The following CDC73 variants were observed in gnomAD, a reference collection of about 807,000 sequenced individuals.
The protein encoded by CDC73 is cell division cycle 73, also known as parafibromin.
Under a neutral mutation model 83.7 loss-of-function variants are expected in CDC73, and 21 were observed. The ratio of observed to expected loss-of-function variants is 0.25; its 90% CI spans 0.18 to 0.36. CDC73 has a LOEUF of 0.36. Ranked by LOEUF, CDC73 falls within the 10% of genes least tolerant of loss-of-function variation. The probability of loss-of-function intolerance (pLI) is 1.00; values close to 1 mark genes in which losing one functional copy is unlikely to be tolerated. For synonymous variants in CDC73, 224 were observed against 212.9 expected, an observed-to-expected ratio of 1.05 and a Z score of -0.45; for missense variants, 342 against 653.3, an observed-to-expected ratio of 0.52 and a Z score of 5.19.
At chr1:193,188,477 C>T (rs1676858868) in intron 10 of CDC73, among the ~76,000 whole-genome samples, 1 of 151,218 alleles carries the variant, frequency 6.6e-6, no homozygotes, top group Non-Finnish European at 1.5e-5. Flanking sequence ...GCGCAGCATA[C>T]CCAGGAATCA....
intron 14 of CDC73, among the ~76,000 whole-genome samples, chr1:193,233,540 A>T (rs1677698490): frequency 6.6e-6 from 1 of 152,220 alleles, no homozygotes; most frequent in African/African-American, 2.4e-5. Flanking sequence ...CAATAACTTT[A>T]TATTTTGGAT....
intron 8 of CDC73, among the ~76,000 whole-genome samples, 167 bp downstream of exon 8, chr1:193,148,132 C>T (rs996067252): frequency 6.6e-5 from 10 of 152,212 alleles, no homozygotes; most frequent in African/African-American, 1.9e-4. Context: ...TTAAAAGTTA[C>T]TTACTTCAGC....
chr1:193,183,263 A>C (rs2103161139), intron 10 of CDC73, among the ~76,000 whole-genome samples: 1 of 151,670 alleles, frequency 6.6e-6, no homozygotes, highest in Non-Finnish European at 1.5e-5. Context: ...CAAATATCTA[A>C]GGTCCAACCA....
intron 15 of CDC73, among the ~76,000 whole-genome samples, chr1:193,241,765 A>G (rs1213898538): frequency 6.6e-6 from 1 of 152,208 alleles, no homozygotes; most frequent in African/African-American, 2.4e-5. Context: ...TCAGGCCCCA[A>G]AATGTGTGCT....
intron 7 of CDC73, among the ~76,000 whole-genome samples, chr1:193,142,424 T>A (rs546260099): frequency 1.3e-5 from 2 of 151,656 alleles, no homozygotes; most frequent in South Asian, 4.2e-4. Flanking sequence ...GCCATCATTA[T>A]TTTTTTTTCT....
chr1:193,137,360 TAC>T (rs541212027), intron 5 of CDC73, among the ~76,000 whole-genome samples: 167 of 152,352 alleles, frequency 1.1e-3, no homozygotes, highest in African/African-American at 3.8e-3. Flanking sequence ...ATGCTTTTTA[TAC>T]AGTTTTGTAT....
chr1:193,138,038 A>G (rs1675830975), intron 5 of CDC73, 47 bp from the exon 6 acceptor site: 1 of 1,405,730 alleles, frequency 7.1e-7, no homozygotes, highest in African/African-American at 1.4e-5. Flanking sequence ...TTTCTTCCTA[A>G]AAGTTCAATA....
chr1:193,225,937 T>C (rs1430112215), intron 13 of CDC73, among the ~76,000 whole-genome samples: 1 of 152,208 alleles, frequency 6.6e-6, no homozygotes, highest in Non-Finnish European at 1.5e-5. Flanking sequence ...TATTTGTTTT[T>C]ACTGCATCTG....
At chr1:193,173,206 G>T (rs1676548587) in intron 10 of CDC73, among the ~76,000 whole-genome samples, 1 of 151,924 alleles carries the variant, frequency 6.6e-6, no homozygotes, top group Admixed American at 6.6e-5. Context: ...CTGTTAAAAG[G>T]GTATGCCTTA....
chr1:193,204,659 A>G (rs1677156638), intron 11 of CDC73, among the ~76,000 whole-genome samples: 1 of 152,192 alleles, frequency 6.6e-6, no homozygotes, highest in Non-Finnish European at 1.5e-5. Context: ...GTTATAAAAC[A>G]CTGTTTTTCA....
chr1:193,237,136 G>A (rs531867502), intron 15 of CDC73: 71 of 151,504 alleles, frequency 4.7e-4, no homozygotes, highest in African/African-American at 1.6e-3. Context: ...GTAGAGAGGG[G>A]GCTTCACAAG....
intron 10 of CDC73, among the ~76,000 whole-genome samples, chr1:193,175,529 G>A (rs1398924015): frequency 2.0e-5 from 3 of 152,108 alleles, no homozygotes; most frequent in Non-Finnish European, 4.4e-5. Context: ...ACCAACTGCC[G>A]ATCGAAAATA....
chr1:193,171,860 A>G (rs912445485), intron 10 of CDC73, among the ~76,000 whole-genome samples: 1 of 152,210 alleles, frequency 6.6e-6, no homozygotes, highest in Non-Finnish European at 1.5e-5. Context: ...AATGAAAAAA[A>G]GATGTATTTG....
At chr1:193,155,139 A>G (rs1676184611) in intron 10 of CDC73, among the ~76,000 whole-genome samples, 1 of 152,122 alleles carries the variant, frequency 6.6e-6, no homozygotes, top group East Asian at 1.9e-4. Context: ...ATAATTTCCT[A>G]TATATATATG....
At chr1:193,125,306 T>G in intron 2 of CDC73, 89 bp downstream of exon 2, 365 of 745,346 alleles carry the variant, frequency 4.9e-4, no homozygotes, top group Non-Finnish European at 7.3e-4. Context: ...TTGCCCGGGC[T>G]AGGGTGCAGT....
chr1:193,211,412 TTTTA>T (rs1482407168), intron 11 of CDC73, among the ~76,000 whole-genome samples: 1 of 152,158 alleles, frequency 6.6e-6, no homozygotes, highest in Non-Finnish European at 1.5e-5. Flanking sequence ...CGGGATGTGA[TTTTA>T]TTTTTTTCTC....
At chr1:193,201,347 A>G (rs1677087613) in intron 10 of CDC73, among the ~76,000 whole-genome samples, 1 of 152,210 alleles carries the variant, frequency 6.6e-6, no homozygotes, top group Admixed American at 6.5e-5. Flanking sequence ...AATAGATAGT[A>G]GATATTATAA....
intron 16 of CDC73, among the ~76,000 whole-genome samples, chr1:193,250,329 A>G (rs1678024972): frequency 6.6e-6 from 1 of 151,864 alleles, no homozygotes; most frequent in Non-Finnish European, 1.5e-5. Flanking sequence ...CATTAATAAC[A>G]GTTTTGTAAT....
intron 10 of CDC73, among the ~76,000 whole-genome samples, chr1:193,190,041 T>C (rs931300517): frequency 1.3e-5 from 2 of 152,222 alleles, no homozygotes; most frequent in Non-Finnish European, 2.9e-5. Context: ...GGTCTTCTTA[T>C]ATTGGTCTCC....
Sources: gnomAD v4.1 joint callset for allele counts (sites outside exome capture counted in the v4.1 genomes callset) on GRCh38, gnomAD v4.1.1 for gene constraint, MANE v1.5 for transcripts, NCBI Gene and HGNC (gene_info 2026-07-23, HGNC 2026-07-21) for gene names.